TCF7L1: variants seen among roughly 807,000 people sequenced by gnomAD.
TCF7L1 encodes transcription factor 7 like 1.
A neutral mutation model predicts 63.7 loss-of-function variants in TCF7L1; 18 were observed. The ratio of observed to expected loss-of-function variants is 0.28; its 90% CI spans 0.20 to 0.42. The LOEUF is 0.42. TCF7L1 is among the 10% of genes least tolerant of loss of function. The pLI, the probability that TCF7L1 is intolerant of heterozygous loss-of-function variation, is 1.00. For synonymous variants in TCF7L1, 355 were observed against 340.9 expected, an observed-to-expected ratio of 1.04 and a Z score of -0.46; for missense variants, 654 against 779.3, an observed-to-expected ratio of 0.84 and a Z score of 1.91.
In TCF7L1 at chr2:85,305,189, G is replaced by A. The variant is rs1284593647; in HGVS notation, c.846-71G>A. ...TGTGCCCTTAAGGCAGAGAGCCACC[G>A]TGTCCTCTGCTGGGTGGCAGGTATC... On this transcript the variant is annotated intron_variant, in intron 7 of 11. Transcript: ENST00000282111. The A allele has an allele frequency of 8.8e-6, 14 of 1,594,588 alleles. No homozygotes were observed. The African/African-American group carries it at 9.4e-5, about 11-fold the overall frequency.
intron 4 of TCF7L1, among the ~76,000 whole-genome samples, chr2:85,302,068 C>T (rs891612265): frequency 6.6e-6 from 1 of 151,982 alleles, no homozygotes; most frequent in Non-Finnish European, 1.5e-5. Context: ...GCAGAGGCTG[C>T]AGTGAGCCGA....
At chr2:85,169,142 C>T (rs1236634152) in intron 3 of TCF7L1, among the ~76,000 whole-genome samples, 1 of 152,158 alleles carries the variant, frequency 6.6e-6, no homozygotes, top group Non-Finnish European at 1.5e-5. Context: ...CTAAACTTCC[C>T]TGTGTAACTC....
chr2:85,162,392 G>C (rs1678310457), intron 3 of TCF7L1, among the ~76,000 whole-genome samples: 1 of 152,186 alleles, frequency 6.6e-6, no homozygotes, highest in African/African-American at 2.4e-5. Context: ...GGGATCCCAG[G>C]CTGCTCTGTG....
At chr2:85,157,410 T>TGCTC (rs1678174833) in intron 3 of TCF7L1, among the ~76,000 whole-genome samples, 4 of 152,236 alleles carry the variant, frequency 2.6e-5, no homozygotes, top group African/African-American at 9.6e-5. Flanking sequence ...AGGAACTGGT[T>TGCTC]ATTCATCCTT....
intron 3 of TCF7L1, among the ~76,000 whole-genome samples, chr2:85,220,815 A>G (rs1679825109): frequency 6.6e-6 from 1 of 152,212 alleles, no homozygotes; most frequent in Non-Finnish European, 1.5e-5. Flanking sequence ...GAGAATATAT[A>G]TTTTGTAGCT....
chr2:85,173,798 G>A lies in TCF7L1; in HGVS notation c.441+39348G>A, dbSNP rs776409127. On this transcript the variant is annotated intron_variant, in intron 3 of 11. Coordinates refer to ENST00000282111, the MANE Select transcript of TCF7L1 (RefSeq NM_031283.3). ...GTTGCCTAGGCTGGAGTGCAATGGCGCGATCTCGGCTCACTGCAACCTCTG... is the reference window on the plus strand; with the variant it reads ...GTTGCCTAGGCTGGAGTGCAATGGCACGATCTCGGCTCACTGCAACCTCTG... 9.2e-5 allele frequency among the ~76,000 whole-genome samples: 14 copies of A among 151,868 alleles called. No homozygotes were observed. The East Asian group carries it at 9.7e-4, about 11-fold the overall frequency.
Position 85,283,575 on chromosome 2 carries a change from C to T in TCF7L1, c.522C>T (p.His174=), listed in dbSNP as rs1681474347. The change falls in exon 4 of 12, where the codon CAC becomes CAT. Residue 174 remains histidine (H), a synonymous_variant. Coordinates refer to ENST00000282111, the MANE Select transcript of TCF7L1 (RefSeq NM_031283.3). ...ACACGAGGTCACCATCTCCAGCACA[C>T]TTGGTAAGTCTGTTTCACCTTAAAG... ...VKDTRSPSPA[H]LSNKVPVVQH... The T allele has an allele frequency of 1.2e-6, 2 of 1,614,224 alleles. No individual in the cohort carries two copies. The highest frequency in any genetic ancestry group is 1.7e-5 in the Admixed American group (1 of 60,034).
chr2:85,244,323 T>C (rs1680410286), intron 3 of TCF7L1, among the ~76,000 whole-genome samples: 1 of 152,164 alleles, frequency 6.6e-6, no homozygotes, highest in South Asian at 2.1e-4. Context: ...ACCTTTGTTT[T>C]AACGTAGCGC....
intron 8 of TCF7L1, 105 bp downstream of exon 8, chr2:85,305,508 C>T: frequency 1.5e-6 from 2 of 1,377,054 alleles, no homozygotes; most frequent in Non-Finnish European, 1.9e-6. Flanking sequence ...CTTGGTGTCA[C>T]TCAGCAGGCA....
chr2:85,263,550 C>T (rs1680903951), intron 3 of TCF7L1, among the ~76,000 whole-genome samples: 1 of 152,100 alleles, frequency 6.6e-6, no homozygotes, highest in East Asian at 1.9e-4. Context: ...GTACAATACT[C>T]AGGGTGACCG....
rs1680849068 is a variant in TCF7L1, at chr2:85,261,126, GTGTGTGTGTGTGTGTGTGT to G, written c.442-22368_442-22350del. 2.4e-3 allele frequency among the ~76,000 whole-genome samples: 256 copies of G among 106,874 alleles called. 1 individual carries two copies. Among genetic ancestry groups the G allele is most frequent in the African/African-American group, 0.01 (238 of 23,320 alleles). 70.1% of individuals were successfully genotyped at this position (106,874 alleles called of 152,430 possible). A position where few individuals can be genotyped will look rare whatever the true frequency, so the allele number is the denominator to read the frequency against. ...AATTACTTCCTCAATTATTGCTGGT[GTGTGTGTGTGTGTGTGTGT>G]GTGTGTGTGTGTGTGTGTGTGTGTG... On this transcript the variant is annotated intron_variant, in intron 3 of 11. Transcript: ENST00000282111.
intron 3 of TCF7L1, among the ~76,000 whole-genome samples, chr2:85,232,293 G>C (rs1680099706): frequency 6.6e-6 from 1 of 152,108 alleles, no homozygotes; most frequent in African/African-American, 2.4e-5. Flanking sequence ...GTGATGCTCA[G>C]CCCGGTCAAG....
intron 3 of TCF7L1, among the ~76,000 whole-genome samples, chr2:85,255,979 C>T (rs981683761): frequency 6.6e-6 from 1 of 152,164 alleles, no homozygotes; most frequent in African/African-American, 2.4e-5. Context: ...TCTGCAGCCC[C>T]TGAGAAGCTG....
chr2:85,240,404 ATATGGG>A (rs1680296183), intron 3 of TCF7L1, among the ~76,000 whole-genome samples: 1 of 152,212 alleles, frequency 6.6e-6, no homozygotes, highest in Admixed American at 6.5e-5. Context: ...CAAAGGGCTG[ATATGGG>A]AACTTCCCTC....
Position 85,304,243 on chromosome 2 carries a change from T to C in TCF7L1, c.762-12T>C. 6.2e-7 allele frequency: 1 copy of C among 1,609,070 alleles called. No individual in the cohort carries two copies. Among genetic ancestry groups the C allele is most frequent in the Non-Finnish European group, 8.5e-7 (1 of 1,177,012 alleles). On this transcript the variant is annotated splice_polypyrimidine_tract_variant and intron_variant, in intron 6 of 11. Coordinates refer to ENST00000282111, the MANE Select transcript of TCF7L1 (RefSeq NM_031283.3). ...TTCCCAATATGCTGACCAGATTTCC[T>C]CCCCCTCACAGGCAAGGCCAGCCCA...
Position 85,134,324 on chromosome 2 carries a change from G to T in TCF7L1, c.315G>T (p.Val105=). 6.3e-7 allele frequency: 1 copy of T among 1,583,074 alleles called. No individual in the cohort carries two copies. Among genetic ancestry groups the T allele is most frequent in the South Asian group, 1.1e-5 (1 of 87,074 alleles). ...ACCTCGCCTTGGTCTTGTTCGCAGT[G>T]AGAAGGCCTCAGGACAGCGCGTTCT... ...FQKPRDYFAE[V]RRPQDSAFFK... The change falls in exon 3 of 12, where the codon GTG becomes GTT. Residue 105 remains valine, a splice_region_variant and synonymous_variant. Coordinates refer to ENST00000282111, the MANE Select transcript of TCF7L1 (RefSeq NM_031283.3). The surrounding 1 kb of genome is among the most constrained non-coding windows in gnomAD (Gnocchi z 5.0).
At chr2:85,226,095 GTTGAACCAGCC>G (rs1255265338) in intron 3 of TCF7L1, among the ~76,000 whole-genome samples, 1 of 152,216 alleles carries the variant, frequency 6.6e-6, no homozygotes, top group Non-Finnish European at 1.5e-5. Context: ...ATTTGCATAT[GTTGAACCAGCC>G]TTGCATCCAG....
chr2:85,200,594 A>T (rs2104277011), intron 3 of TCF7L1, among the ~76,000 whole-genome samples: 1 of 152,364 alleles, frequency 6.6e-6, no homozygotes. Flanking sequence ...CAAGCAATTC[A>T]ACTTTTTCCT....
intron 3 of TCF7L1, among the ~76,000 whole-genome samples, chr2:85,223,598 A>G (rs1679895745): frequency 6.6e-6 from 1 of 152,130 alleles, no homozygotes; most frequent in African/African-American, 2.4e-5. Context: ...GCTGAGAATG[A>G]GAAGGAGGAT....
Sources: allele counts gnomAD v4.1 joint callset (sites outside exome capture counted in the v4.1 genomes callset), GRCh38; gene constraint gnomAD v4.1.1; non-coding constraint Gnocchi (gnomAD v3.1); transcripts MANE v1.5; gene names NCBI Gene and HGNC (gene_info 2026-07-23, HGNC 2026-07-21).